Variants in DENND5A observed in about 807,000 individuals in gnomAD.
The protein encoded by DENND5A is DENN domain-containing protein 5A.
In DENND5A, 64 loss-of-function variants were observed where a neutral mutation model predicts 140.3. The ratio of observed to expected loss-of-function variants is 0.46; its 90% confidence interval spans 0.37 to 0.56. The LOEUF (loss-of-function observed/expected upper bound fraction) is 0.56, where lower values mean the gene tolerates loss of function less well. Among genes scored for constraint, DENND5A ranks in the 20% least tolerant of loss-of-function variants. The pLI, the probability that DENND5A is intolerant of heterozygous loss-of-function variation, is 0.00. For synonymous variants in DENND5A, 605 were observed against 607.7 expected (o/e 1.00, Z 0.07); for missense variants, 1,292 against 1,593.8 (o/e 0.81, Z 3.22).
chr11:9,232,942 T>C (rs540908868), intron 1 of DENND5A, among the ~76,000 whole-genome samples: 3 of 152,278 alleles, frequency 2.0e-5, no homozygotes, highest in South Asian at 4.1e-4. Flanking sequence ...CTCAAATATA[T>C]TGTACAAAAG....
chr11:9,145,809 G>A lies in DENND5A; in HGVS notation c.2864C>T (p.Pro955Leu), dbSNP rs375787613. 7 of 1,614,154 alleles carry A rather than the reference G, an allele frequency of 4.3e-6. No individual in the cohort carries two copies. Among genetic ancestry groups the A allele is most frequent in the East Asian group, 4.5e-5 (2 of 44,884 alleles). The change falls in exon 17 of 23, where the codon CCG (proline) becomes CTG (leucine). Residue 955 changes from proline to leucine, a missense_variant. By Grantham distance (98) the Pro-to-Leu change is moderately conservative. Transcript: ENST00000328194. ...FTNVFTTILIPYHILIVPSKK... is the reference protein window; with the variant it reads ...FTNVFTTILILYHILIVPSKK... ...GCTTGGTACGATCAGAATGTGGTAC[G>A]GGATCACTGTTTAGGGGAAGCCACA...
At chr11:9,256,851 A>G (rs781080579) in intron 1 of DENND5A, among the ~76,000 whole-genome samples, 3 of 152,214 alleles carry the variant, frequency 2.0e-5, no homozygotes, top group African/African-American at 2.4e-5. Context: ...GTAAAAATAA[A>G]TTAAAAATCA....
At chr11:9,178,832 C>A in intron 7 of DENND5A, 26 bp downstream of exon 7, 1 of 1,586,700 alleles carries the variant, frequency 6.3e-7, no homozygotes, top group East Asian at 2.2e-5. Flanking sequence ...CATTCCTCAC[C>A]ACCTCCCAAG....
At chr11:9,157,549 G>A (rs890692481) in intron 12 of DENND5A, among the ~76,000 whole-genome samples, 1 of 152,112 alleles carries the variant, frequency 6.6e-6, no homozygotes, top group Non-Finnish European at 1.5e-5. Context: ...GGTATTCAAT[G>A]TTTAGCTCCC....
In DENND5A at chr11:9,181,049, G is replaced by T; in HGVS notation, c.1173C>A (p.Phe391Leu). ...NLCFVDIDNH[F>L]IELPEDLPQF... Reference sequence around the variant, plus strand: ...GTGGCAAGTCCTCTGGCAACTCAATGAAGTGGTTGTCAATGTCCACAAAGC... The same window carrying T: ...GTGGCAAGTCCTCTGGCAACTCAATTAAGTGGTTGTCAATGTCCACAAAGC... The change falls in exon 6 of 23, where the codon TTC becomes TTA. Residue 391 changes from phenylalanine (F) to leucine (L), a missense_variant. Physicochemically the swap from Phe to Leu is conservative, Grantham distance 22. Coordinates refer to ENST00000328194, the MANE Select transcript of DENND5A (RefSeq NM_015213.4). 6.2e-7 allele frequency: 1 copy of T among 1,614,148 alleles called. No homozygotes were observed. Among genetic ancestry groups the T allele is most frequent in the African/African-American group, 1.3e-5 (1 of 75,044 alleles).
At chr11:9,255,858 C>T (rs1851921445) in intron 1 of DENND5A, among the ~76,000 whole-genome samples, 1 of 149,924 alleles carries the variant, frequency 6.7e-6, no homozygotes, top group Admixed American at 6.7e-5. Flanking sequence ...GAGTGAGACT[C>T]CGTCTAAAAA....
chr11:9,162,397 G>A (rs561709499), intron 11 of DENND5A, among the ~76,000 whole-genome samples: 5 of 151,396 alleles, frequency 3.3e-5, no homozygotes, highest in East Asian at 2.0e-4. Flanking sequence ...GCACCACCAC[G>A]CCTGGCTAAT....
intron 5 of DENND5A, among the ~76,000 whole-genome samples, chr11:9,185,754 T>A (rs1564903227): frequency 6.6e-6 from 1 of 152,136 alleles, no homozygotes; most frequent in Non-Finnish European, 1.5e-5. Context: ...GTTGTTCCTG[T>A]ATGTGTGGTC....
intron 5 of DENND5A, among the ~76,000 whole-genome samples, chr11:9,184,480 T>C (rs917523987): frequency 6.6e-6 from 1 of 152,240 alleles, no homozygotes; most frequent in Non-Finnish European, 1.5e-5. Context: ...AGAACCACAG[T>C]GTTGTAAGGT....
At chr11:9,147,861 C>T (rs891937454) in intron 15 of DENND5A, among the ~76,000 whole-genome samples, 1 of 152,204 alleles carries the variant, frequency 6.6e-6, no homozygotes, top group African/African-American at 2.4e-5. Flanking sequence ...ACACCCAGAG[C>T]CAAATGTACA....
chr11:9,194,568 T>TAA (rs769353868), intron 4 of DENND5A, among the ~76,000 whole-genome samples: 2 of 136,152 alleles, frequency 1.5e-5, no homozygotes, highest in African/African-American at 2.7e-5. Flanking sequence ...GACTCCTTCT[T>TAA]AAAAAAAAAA....
Position 9,243,397 on chromosome 11 carries a change from T to TTACACAC in DENND5A, c.109+21557_109+21563dup, listed in dbSNP as rs2136277083. ...ATTAAATATTTAACAAAGAAAGGGA[T>TTACACAC]TACACACTACGGTTGACCCTTGAAC... On this transcript the variant is annotated intron_variant, in intron 1 of 22. Transcript: ENST00000328194. Among the ~76,000 whole-genome samples the TTACACAC allele has an allele frequency of 1.3e-5, 2 of 152,220 alleles. 1 individual carries two copies. Among genetic ancestry groups the TTACACAC allele is most frequent in the South Asian group, 4.1e-4 (2 of 4,822 alleles).
In DENND5A at chr11:9,143,821, C is replaced by T. The variant is rs562470544; in HGVS notation, c.3304+276G>A. Among the ~76,000 whole-genome samples, 3 of 152,268 alleles carry T rather than the reference C, an allele frequency of 2.0e-5. No individual in the cohort carries two copies. In the South Asian group the frequency reaches 6.2e-4, roughly 32 times the overall value. On this transcript the variant is annotated intron_variant, in intron 19 of 22. Coordinates refer to ENST00000328194, the MANE Select transcript of DENND5A (RefSeq NM_015213.4). Reference sequence around the variant, plus strand: ...GGCAGGGGGAGTCCAGAAAGTAGGCCCCTCTCCTTTAATGGATCATGCATG... The same window carrying T: ...GGCAGGGGGAGTCCAGAAAGTAGGCTCCTCTCCTTTAATGGATCATGCATG...
intron 15 of DENND5A, among the ~76,000 whole-genome samples, chr11:9,148,969 T>C (rs763203044): frequency 7.9e-5 from 12 of 152,180 alleles, no homozygotes; most frequent in Non-Finnish European, 1.5e-4. Flanking sequence ...AAGCCAACAC[T>C]GTGCAAAGAG....
intron 8 of DENND5A, chr11:9,175,380 T>C (rs1848514637): frequency 6.6e-6 from 1 of 152,166 alleles, no homozygotes; most frequent in African/African-American, 2.4e-5. Flanking sequence ...AGATATGCCA[T>C]GTTAATGGAT....
At chr11:9,144,510 G>A (rs1184098181) in intron 18 of DENND5A, among the ~76,000 whole-genome samples, 1 of 152,058 alleles carries the variant, frequency 6.6e-6, no homozygotes, top group Non-Finnish European at 1.5e-5. Context: ...CCTCCTTCTG[G>A]CTGGGCCTGA....
chr11:9,259,691 G>A (rs1165667641), intron 1 of DENND5A, among the ~76,000 whole-genome samples: 1 of 152,046 alleles, frequency 6.6e-6, no homozygotes, highest in African/African-American at 2.4e-5. Context: ...TTACAGATGT[G>A]AGCCACTGTA....
At chr11:9,169,179 G>A (rs2136154883) in intron 10 of DENND5A, among the ~76,000 whole-genome samples, 1 of 152,328 alleles carries the variant, frequency 6.6e-6, no homozygotes, top group East Asian at 1.9e-4. Context: ...GGGCGCAGTA[G>A]CTCACACCTA....
chr11:9,253,913 T>C (rs865997254), intron 1 of DENND5A, among the ~76,000 whole-genome samples: 1 of 151,900 alleles, frequency 6.6e-6, no homozygotes, highest in African/African-American at 2.4e-5. Context: ...ATCCCAGCAC[T>C]TTGGGAGGCC....
Sources: gnomAD v4.1 joint callset for allele counts (sites outside exome capture counted in the v4.1 genomes callset) on GRCh38, gnomAD v4.1.1 for gene constraint, MANE v1.5 for transcripts, NCBI Gene and HGNC (gene_info 2026-07-23, HGNC 2026-07-21) for gene names.